Variants in NF1 observed in about 807,000 individuals in gnomAD.
NF1 encodes neurofibromin.
In NF1, 122 loss-of-function variants were observed where a neutral mutation model predicts 325.7. The observed-to-expected ratio is 0.37, with a 90% CI of 0.32 to 0.44. The LOEUF (loss-of-function observed/expected upper bound fraction) is 0.44, where lower values mean the gene tolerates loss of function less well. Ranked by LOEUF, NF1 falls within the 20% of genes least tolerant of loss-of-function variation. The pLI, the probability that NF1 is intolerant of heterozygous loss-of-function variation, is 1.00. For missense variants in NF1, 2,140 were observed against 3,415.4 expected (o/e 0.63, Z 9.31); for synonymous variants, 1,091 against 1,186.0 (o/e 0.92, Z 1.65).
chr17:31,207,151 A>T (rs1472920754), intron 12 of NF1, among the ~76,000 whole-genome samples: 1 of 152,184 alleles, frequency 6.6e-6, no homozygotes, highest in Admixed American at 6.5e-5. Context: ...ACATGATCAG[A>T]TGCCAACCAG....
intron 49 of NF1, 122 bp downstream of exon 49, chr17:31,349,373 G>A: frequency 4.4e-6 from 4 of 915,416 alleles, no homozygotes; most frequent in Non-Finnish European, 5.0e-6. Flanking sequence ...TCACAGTCTA[G>A]TCCTTTAGTG....
chr17:31,274,192 T>G (rs1388854749), intron 36 of NF1, among the ~76,000 whole-genome samples: 1 of 152,196 alleles, frequency 6.6e-6, no homozygotes, highest in Non-Finnish European at 1.5e-5. Flanking sequence ...TACAAACTTT[T>G]GTGTGTTTGT....
rs575200098 is a variant in NF1 at position 31,377,381 on chromosome 17, C to T, written c.*3226C>T. 1 of 233,390 alleles carries T rather than the reference C, an allele frequency of 4.3e-6. No individual in the cohort carries two copies. The highest frequency in any genetic ancestry group is 8.5e-6 in the Non-Finnish European group (1 of 117,920). 14.5% of individuals were successfully genotyped at this position (233,390 alleles called of 1,614,324 possible). A position where few individuals can be genotyped will look rare whatever the true frequency, so the allele number is the denominator to read the frequency against. Reference sequence around the variant, plus strand: ...TTAACTTCTTTTTGCGACTGCGTTACATCATTTAAAGAAAATGCTGTGTAT... The same window carrying T: ...TTAACTTCTTTTTGCGACTGCGTTATATCATTTAAAGAAAATGCTGTGTAT... On this transcript the variant is annotated 3_prime_UTR_variant, in exon 58 of 58. Transcript: ENST00000358273.
chr17:31,348,814 CTG>C (rs1283906106), intron 48 of NF1, among the ~76,000 whole-genome samples: 1 of 149,270 alleles, frequency 6.7e-6, no homozygotes, highest in Non-Finnish European at 1.5e-5. Flanking sequence ...TTTTTAATCT[CTG>C]TGCTGCTTTA....
At chr17:31,128,067 G>T (rs924577269) in intron 1 of NF1, among the ~76,000 whole-genome samples, 1 of 151,256 alleles carries the variant, frequency 6.6e-6, no homozygotes, top group African/African-American at 2.4e-5. Context: ...TCAGCCTCCC[G>T]AGTAGCTGGG....
chr17:31,243,268 A>C (rs1033912575), intron 29 of NF1, among the ~76,000 whole-genome samples: 1 of 150,986 alleles, frequency 6.6e-6, no homozygotes, highest in East Asian at 1.9e-4. Context: ...GGACACCAGC[A>C]CTGGGAGTGC....
chr17:31,150,113 A>G (rs1352438263), intron 1 of NF1, among the ~76,000 whole-genome samples: 1 of 152,166 alleles, frequency 6.6e-6, no homozygotes, highest in Non-Finnish European at 1.5e-5. Context: ...AATGCTTGGG[A>G]CCAGAAGTGT....
chr17:31,297,829 T>C (rs2068498021), intron 36 of NF1, among the ~76,000 whole-genome samples: 1 of 152,194 alleles, frequency 6.6e-6, no homozygotes, highest in South Asian at 2.1e-4. Context: ...TTAGGATGTA[T>C]AGAAGTACTG....
At chr17:31,196,509 C>A (rs1168373378) in intron 8 of NF1, among the ~76,000 whole-genome samples, 1 of 151,986 alleles carries the variant, frequency 6.6e-6, no homozygotes, top group African/African-American at 2.4e-5. Flanking sequence ...TTGATAGTGT[C>A]GTTTGATACA....
At chr17:31,299,051 T>C (rs2068521744) in intron 36 of NF1, among the ~76,000 whole-genome samples, 1 of 152,082 alleles carries the variant, frequency 6.6e-6, no homozygotes, top group African/African-American at 2.4e-5. Context: ...AAAATTCCAG[T>C]GCAATAGTAG....
chr17:31,349,086 C>G (rs1757582806), intron 48 of NF1, 34 bp from the exon 49 acceptor site: 1 of 1,541,018 alleles, frequency 6.5e-7, no homozygotes, highest in African/African-American at 1.4e-5. Flanking sequence ...TTAATTCTTA[C>G]TTGTTTGTTT....
chr17:31,237,376 G>A (rs1423266108), intron 29 of NF1, among the ~76,000 whole-genome samples: 2 of 152,110 alleles, frequency 1.3e-5, no homozygotes, highest in Non-Finnish European at 2.9e-5. Flanking sequence ...CAGGACTCAA[G>A]CGATTCTCCC....
intron 36 of NF1, among the ~76,000 whole-genome samples, chr17:31,289,581 C>T (rs1488650657): frequency 1.3e-5 from 2 of 152,002 alleles, no homozygotes; most frequent in Non-Finnish European, 2.9e-5. Flanking sequence ...GGTTCTATGT[C>T]CTATAATTTT....
Position 31,358,997 on chromosome 17 carries a change from T to C in NF1, c.8142T>C (p.Phe2714=), listed in dbSNP as rs2151586040. 1.2e-6 allele frequency: 2 copies of C among 1,613,906 alleles called. No individual in the cohort carries two copies. Among genetic ancestry groups the C allele is most frequent in the Non-Finnish European group, 1.7e-6 (2 of 1,179,884 alleles). The change falls in exon 56 of 58, where the codon TTT becomes TTC. Residue 2714 remains phenylalanine (F), a synonymous_variant. Transcript: ENST00000358273. ...QSFGFNGLWR[F]AGPFSKQTQI... ...TTGGTTTTAATGGCTTGTGGCGGTT[T>C]GCAGGACCGTTTTCAAAGGTAAGAA...
chr17:31,162,479 C>G (rs151301096), intron 3 of NF1, among the ~76,000 whole-genome samples: 1 of 152,114 alleles, frequency 6.6e-6, no homozygotes, highest in Non-Finnish European at 1.5e-5. Flanking sequence ...ATGTTGTAAT[C>G]GGTGAACTTT....
intron 1 of NF1, among the ~76,000 whole-genome samples, chr17:31,112,445 C>G (rs1417391566): frequency 6.6e-6 from 1 of 152,118 alleles, no homozygotes; most frequent in East Asian, 1.9e-4. Flanking sequence ...TTTGCCAACA[C>G]TTATTTAACC....
chr17:31,234,476 A>G (rs1453029818), intron 27 of NF1, among the ~76,000 whole-genome samples: 4 of 151,854 alleles, frequency 2.6e-5, no homozygotes, highest in East Asian at 1.9e-4. Context: ...GATCGAGACC[A>G]TCCTGGCTAA....
chr17:31,275,967 T>G (rs1261120106), intron 36 of NF1, among the ~76,000 whole-genome samples: 2 of 152,112 alleles, frequency 1.3e-5, no homozygotes, highest in African/African-American at 4.8e-5. Flanking sequence ...CCCAGCACTT[T>G]GGGAGGCCGA....
intron 55 of NF1, 107 bp from the exon 56 acceptor site, chr17:31,358,862 A>C: frequency 8.9e-7 from 1 of 1,119,872 alleles, no homozygotes; most frequent in Non-Finnish European, 1.3e-6. Flanking sequence ...ACATGTTTTC[A>C]ACATGTACAT....
Sources: gnomAD v4.1 joint callset for allele counts (sites outside exome capture counted in the v4.1 genomes callset) on GRCh38, gnomAD v4.1.1 for gene constraint, MANE v1.5 for transcripts, NCBI Gene and HGNC (gene_info 2026-07-23, HGNC 2026-07-21) for gene names.